Variants in FAM174C observed in about 807,000 individuals in gnomAD.
FAM174C encodes family with sequence similarity 174 member C, also known as protein FAM174C.
FAM174C carries 19 observed loss-of-function variants against 12.3 expected under a neutral mutation model. The ratio of observed to expected loss-of-function variants is 1.55; its 90% CI spans 1.08 to 2.27. The LOEUF (loss-of-function observed/expected upper bound fraction) is 2.27. Ranked by LOEUF, FAM174C falls within the 30% of genes most tolerant of loss-of-function variation. The pLI is 0.00. For synonymous variants in FAM174C, 147 were observed against 103.5 expected (o/e 1.42, Z -2.55); for missense variants, 239 against 190.2 (o/e 1.26, Z -1.51).
intron 2 of FAM174C, chr19:1,277,865 C>T (rs567893007): frequency 6.5e-6 from 1 of 153,448 alleles, no homozygotes; most frequent in Non-Finnish European, 1.5e-5. Flanking sequence ...ACCTCCACCT[C>T]CCAGGTTCAA....
chr19:1,275,774 C>G lies in FAM174C; in HGVS notation c.225C>G (p.Tyr75Ter). The change falls in exon 1 of 3, where the codon TAC becomes TAG. Residue 75 changes from tyrosine (Y) to a stop codon, truncating the protein, a stop_gained. Transcript: ENST00000409293. LOFTEE classifies it high-confidence loss of function. ...ASGSALTRSF[Y>*]VILGFCGLTA... ...GCTCGGCGCTGACGCGCTCCTTCTACGTGATCCTGGGCTTCTGCGGCCTGA... is the reference window on the plus strand; with the variant it reads ...GCTCGGCGCTGACGCGCTCCTTCTAGGTGATCCTGGGCTTCTGCGGCCTGA... 1.3e-6 allele frequency: 2 copies of G among 1,539,908 alleles called. No homozygotes were observed. Among genetic ancestry groups the G allele is most frequent in the East Asian group, 4.9e-5 (2 of 40,780 alleles).
rs565991945 is a variant in FAM174C at position 1,277,464 on chromosome 19, C to T, written c.398+165C>T. 4.6e-5 allele frequency among the ~76,000 whole-genome samples: 7 copies of T among 152,274 alleles called. No homozygotes were observed. In the East Asian group the frequency reaches 1.2e-3, roughly 25 times the overall value. ...GGCAGGGCTCATCCCTTCTCCCAGC[C>T]TCCATTTACAACTTTTTTTTTTTAA... On this transcript the variant is annotated intron_variant, in intron 2 of 2. Coordinates refer to ENST00000409293, the MANE Select transcript of FAM174C (RefSeq NM_017914.4).
chr19:1,275,943 T>G (rs1392612374), intron 1 of FAM174C, 113 bp downstream of exon 1: 2 of 962,014 alleles, frequency 2.1e-6, no homozygotes, highest in Non-Finnish European at 3.0e-6. Flanking sequence ...TCCCTCCCTC[T>G]CTCCCTGTTG....
At chr19:1,277,481 T>G (rs954221904) in intron 2 of FAM174C, among the ~76,000 whole-genome samples, 182 bp downstream of exon 2, 1 of 152,174 alleles carries the variant, frequency 6.6e-6, no homozygotes, top group Non-Finnish European at 1.5e-5. Flanking sequence ...TACAACTTTT[T>G]TTTTTTAAAC....
chr19:1,279,216 C>T lies in FAM174C; in HGVS notation c.*439C>T, dbSNP rs2081429093. 1.2e-6 allele frequency: 2 copies of T among 1,604,342 alleles called. No homozygotes were observed. The highest frequency in any genetic ancestry group is 1.7e-6 in the Non-Finnish European group (2 of 1,175,248). On this transcript the variant is annotated 3_prime_UTR_variant, in exon 3 of 3. Coordinates refer to ENST00000409293, the MANE Select transcript of FAM174C (RefSeq NM_017914.4). ...GCCGGGCTGGGAACAATAAATGCAG[C>T]CATGTCTCTGCAGCTGGTGCTGACC...
chr19:1,278,877 C>G lies in FAM174C; in HGVS notation c.*100C>G. 6.2e-7 allele frequency: 1 copy of G among 1,613,090 alleles called. No individual in the cohort carries two copies. Among genetic ancestry groups the G allele is most frequent in the Non-Finnish European group, 8.5e-7 (1 of 1,179,836 alleles). ...CAACCCCCTGCTCCACCGCTCATTCCCCTGCTGGCCCCGGGGCTGGTCTCA... is the reference window on the plus strand; with the variant it reads ...CAACCCCCTGCTCCACCGCTCATTCGCCTGCTGGCCCCGGGGCTGGTCTCA... On this transcript the variant is annotated 3_prime_UTR_variant, in exon 3 of 3. Transcript: ENST00000409293.
Position 1,275,789 on chromosome 19 carries a change from C to T in FAM174C, c.240C>T (p.Phe80=), listed in dbSNP as rs763041730. ...GCTCCTTCTACGTGATCCTGGGCTT[C>T]TGCGGCCTGACCGCGCTCTACTTCC... ...LTRSFYVILG[F]CGLTALYFLI... is the part of the protein sequence containing the mutation. Residue 80 remains phenylalanine (F), a synonymous_variant, in exon 1 of 3, where the codon TTC becomes TTT. Coordinates refer to ENST00000409293, the MANE Select transcript of FAM174C (RefSeq NM_017914.4). 6 of 1,539,268 alleles carry T rather than the reference C, an allele frequency of 3.9e-6. No homozygotes were observed. Among genetic ancestry groups the T allele is most frequent in the Non-Finnish European group, 4.4e-6 (5 of 1,146,388 alleles).
Position 1,279,002 on chromosome 19 carries a change from G to A in FAM174C, c.*225G>A. Reference sequence around the variant, plus strand: ...GACCATGCAGCCTCGCCTCCTGGATGCTGTCCCAGCCTGGCCGAGGGTCCC... The same window carrying A: ...GACCATGCAGCCTCGCCTCCTGGATACTGTCCCAGCCTGGCCGAGGGTCCC... On this transcript the variant is annotated 3_prime_UTR_variant, in exon 3 of 3. Coordinates refer to ENST00000409293, the MANE Select transcript of FAM174C (RefSeq NM_017914.4). 6.2e-7 allele frequency: 1 copy of A among 1,611,958 alleles called. No individual in the cohort carries two copies. Among genetic ancestry groups the A allele is most frequent in the Non-Finnish European group, 8.5e-7 (1 of 1,179,966 alleles).
intron 1 of FAM174C, chr19:1,276,041 C>T: frequency 1.8e-6 from 1 of 556,920 alleles, no homozygotes; most frequent in East Asian, 3.5e-5. Flanking sequence ...CAGCCTGCGC[C>T]TGGGGTTGGA....
At position 1,278,946 on chromosome 19, in the gene FAM174C, G is replaced by A. The variant is rs752709002; in HGVS notation, c.*169G>A. The A allele has an allele frequency of 4.5e-5, 72 of 1,612,802 alleles. No individual in the cohort carries two copies. Among genetic ancestry groups the A allele is most frequent in the East Asian group, 6.7e-5 (3 of 44,892 alleles). On this transcript the variant is annotated 3_prime_UTR_variant, in exon 3 of 3. Transcript: ENST00000409293. Reference sequence around the variant, plus strand: ...GCTCCTTTTGGAACCTGCACAGCCCGCCGACCTGTTGCCACCTGCACCCAC... The same window carrying A: ...GCTCCTTTTGGAACCTGCACAGCCCACCGACCTGTTGCCACCTGCACCCAC...
Position 1,275,652 on chromosome 19 carries a change from G to A in FAM174C, c.103G>A (p.Ala35Thr). The A allele has an allele frequency of 7.1e-7, 1 of 1,408,338 alleles. No individual in the cohort carries two copies. The highest frequency in any genetic ancestry group is 9.1e-7 in the Non-Finnish European group (1 of 1,094,664). The allele number at this position is 1,408,338 out of a possible 1,614,324, so 87.2% of individuals were successfully genotyped here. ...GAEEASPLRP[A>T]QVTLSPPPAV... ...CGAAGAGGCCTCGCCGCTGCGCCCC[G>A]CGCAGGTCACGTTGTCGCCGCCGCC... The change falls in exon 1 of 3, where the codon GCG becomes ACG. Residue 35 changes from alanine to threonine, a missense_variant. Transcript: ENST00000409293.
chr19:1,278,720 G>A, intron 2 of FAM174C, 57 bp from the exon 3 acceptor site: 1 of 1,604,820 alleles, frequency 6.2e-7, no homozygotes, highest in South Asian at 1.1e-5. Flanking sequence ...GTGAGCCTCT[G>A]CCCGGCAGGG....
chr19:1,275,931 C>CCTCCCTCCCTCTCTCCCTCCCTCT (rs530605409), intron 1 of FAM174C, 101 bp downstream of exon 1: 37 of 1,031,308 alleles, frequency 3.6e-5, no homozygotes, highest in African/African-American at 1.9e-4. Flanking sequence ...TCCCTCCCTC[C>CCTCCCTCCCTCTCTCCCTCCCTCT]CTCCCTCCCT....
intron 1 of FAM174C, 199 bp from the exon 2 acceptor site, chr19:1,276,984 G>A: frequency 5.0e-6 from 4 of 802,458 alleles, no homozygotes; most frequent in Non-Finnish European, 7.2e-6. Flanking sequence ...TAGGGCACAT[G>A]TCTTCTTACT....
chr19:1,276,183 C>T, intron 1 of FAM174C: 1 of 286,758 alleles, frequency 3.5e-6, no homozygotes, highest in Non-Finnish European at 6.6e-6. Context: ...CTCCTTGTCG[C>T]CGGATGCCCG....
intron 1 of FAM174C, chr19:1,276,054 TGCCCAGCGCGCC>T (rs1388169783): frequency 1.9e-6 from 1 of 531,744 alleles, no homozygotes; most frequent in Non-Finnish European, 3.3e-6. Flanking sequence ...GGGTTGGAGG[TGCCCAGCGCGCC>T]GCCTCTTAAC....
At position 1,277,319 on chromosome 19, in the gene FAM174C, TC is replaced by T; in HGVS notation, c.398+21del. The T allele has an allele frequency of 6.5e-7, 1 of 1,530,102 alleles. No individual in the cohort carries two copies. 94.8% of individuals were successfully genotyped at this position (1,530,102 alleles called of 1,614,324 possible). On this transcript the variant is annotated intron_variant, in intron 2 of 2. Coordinates refer to ENST00000409293, the MANE Select transcript of FAM174C (RefSeq NM_017914.4). ...GAGATGGTGTGCACCCTTCCCCAGC[TC>T]TGGGGCCTCGGTGGGCAGGCTGGGC...
chr19:1,278,739 T>A, intron 2 of FAM174C, 38 bp from the exon 3 acceptor site: 1 of 1,610,370 alleles, frequency 6.2e-7, no homozygotes, highest in Non-Finnish European at 8.5e-7. Context: ...GGCGGGCCCT[T>A]CACTCCTTCC....
rs139473355 is a variant in FAM174C, at chr19:1,278,990, C to T, written c.*213C>T. Reference sequence around the variant, plus strand: ...CACCCACCGCTGGACCATGCAGCCTCGCCTCCTGGATGCTGTCCCAGCCTG... The same window carrying T: ...CACCCACCGCTGGACCATGCAGCCTTGCCTCCTGGATGCTGTCCCAGCCTG... On this transcript the variant is annotated 3_prime_UTR_variant, in exon 3 of 3. Coordinates refer to ENST00000409293, the MANE Select transcript of FAM174C (RefSeq NM_017914.4). 2.6e-4 allele frequency: 414 copies of T among 1,612,190 alleles called. 2 individuals are homozygous for T. Among genetic ancestry groups the T allele is most frequent in the South Asian group, 9.0e-4 (82 of 91,084 alleles).
Sources: gnomAD v4.1 joint callset for allele counts (sites outside exome capture counted in the v4.1 genomes callset) on GRCh38, gnomAD v4.1.1 for gene constraint, MANE v1.5 for transcripts, NCBI Gene and HGNC (gene_info 2026-07-23, HGNC 2026-07-21) for gene names.